The following RPRD1B variants were observed in gnomAD, a reference collection of about 807,000 sequenced individuals.
The protein encoded by RPRD1B is regulation of nuclear pre-mRNA domain-containing protein 1B.
Under a neutral mutation model 41.5 loss-of-function variants are expected in RPRD1B, and 11 were observed. The ratio of observed to expected loss-of-function variants is 0.27; its 90% CI spans 0.17 to 0.44. The LOEUF (loss-of-function observed/expected upper bound fraction) is 0.44, where lower values mean the gene tolerates loss of function less well. Among genes scored for constraint, RPRD1B ranks in the 20% least tolerant of loss-of-function variants. RPRD1B has a pLI of 1.00. For synonymous variants in RPRD1B, 158 were observed against 155.6 expected, an observed-to-expected ratio of 1.02 and a Z score of -0.12; for missense variants, 248 against 389.9, an observed-to-expected ratio of 0.64 and a Z score of 3.06.
At chr20:38,056,137 A>C (rs894746125) in intron 3 of RPRD1B, among the ~76,000 whole-genome samples, 1 of 152,198 alleles carries the variant, frequency 6.6e-6, no homozygotes, top group African/African-American at 2.4e-5. Flanking sequence ...CTGTAATCCC[A>C]GGACTTTGGG....
chr20:38,066,668 T>C (rs551171690), intron 6 of RPRD1B, among the ~76,000 whole-genome samples: 1 of 152,378 alleles, frequency 6.6e-6, no homozygotes, highest in East Asian at 1.9e-4. Context: ...ATTTCTTTTT[T>C]TTTTTGAGAC....
chr20:38,066,848 G>T (rs2074362747), intron 6 of RPRD1B, among the ~76,000 whole-genome samples: 1 of 151,940 alleles, frequency 6.6e-6, no homozygotes, highest in Non-Finnish European at 1.5e-5. Context: ...GTAGGGACGG[G>T]GTTTCACCAT....
intron 5 of RPRD1B, among the ~76,000 whole-genome samples, chr20:38,059,819 G>C (rs546876441): frequency 3.3e-5 from 5 of 152,108 alleles, no homozygotes; most frequent in African/African-American, 1.2e-4. Flanking sequence ...TGGGGTGGGT[G>C]GGGGAGATTA....
At chr20:38,040,098 A>G (rs2074050149) in intron 1 of RPRD1B, among the ~76,000 whole-genome samples, 1 of 152,340 alleles carries the variant, frequency 6.6e-6, no homozygotes, top group South Asian at 2.1e-4. Flanking sequence ...TCATTTTTGC[A>G]GTAGAATAAA....
chr20:38,089,761 C>T lies in RPRD1B; in HGVS notation c.867C>T (p.Val289=). Residue 289 remains valine, a synonymous_variant, in exon 7 of 7, where the codon GTC becomes GTT. Coordinates refer to ENST00000373433, the MANE Select transcript of RPRD1B (RefSeq NM_021215.4). ...AGAAGCTTGCACGAGTAACCCAGGT[C>T]CGCAAGGAACTGAAATCCCATATTC... ...YKQKLARVTQ[V]RKELKSHIQS... 2 of 1,614,162 alleles carry T rather than the reference C, an allele frequency of 1.2e-6. No homozygotes were observed. Among genetic ancestry groups the T allele is most frequent in the South Asian group, 1.1e-5 (1 of 91,086 alleles).
intron 1 of RPRD1B, 64 bp downstream of exon 1, chr20:38,034,162 A>T: frequency 6.5e-7 from 1 of 1,543,076 alleles, no homozygotes; most frequent in South Asian, 1.2e-5. Flanking sequence ...CATACAACCT[A>T]GGCCCCTCTA....
chr20:38,043,847 C>A (rs182905793), intron 2 of RPRD1B, among the ~76,000 whole-genome samples: 242 of 152,232 alleles, frequency 1.6e-3, no homozygotes, highest in African/African-American at 5.7e-3. Context: ...TGGAGGAAAT[C>A]ACGAGTTTTG....
At chr20:38,053,397 G>A (rs2074208288) in intron 3 of RPRD1B, among the ~76,000 whole-genome samples, 1 of 152,128 alleles carries the variant, frequency 6.6e-6, no homozygotes, top group Non-Finnish European at 1.5e-5. Flanking sequence ...CAAGCTCTGT[G>A]ACTCCTCCCT....
At position 38,054,164 on chromosome 20, in the gene RPRD1B, T is replaced by C. The variant is rs575735015; in HGVS notation, c.416-3368T>C. On this transcript the variant is annotated intron_variant, in intron 3 of 6. Transcript: ENST00000373433. ...TCTGCTAGAAACTGGGACCTTGGGA[T>C]AGATTCTAATGGTTTCCAAGGCCTT... is the stretch of plus-strand genomic sequence containing the variant. Among the ~76,000 whole-genome samples, 4 of 152,262 alleles carry C rather than the reference T, an allele frequency of 2.6e-5. No individual in the cohort carries two copies. The East Asian group carries it at 7.7e-4, about 29-fold the overall frequency.
intron 2 of RPRD1B, among the ~76,000 whole-genome samples, chr20:38,042,610 G>C (rs1568643664): frequency 6.6e-6 from 1 of 152,032 alleles, no homozygotes; most frequent in Non-Finnish European, 1.5e-5. Context: ...GATTCTGCTT[G>C]GGTATTACAT....
chr20:38,035,850 C>T (rs2069207697), intron 1 of RPRD1B, among the ~76,000 whole-genome samples: 1 of 151,694 alleles, frequency 6.6e-6, no homozygotes, highest in Non-Finnish European at 1.5e-5. Context: ...CTGCAAGCTC[C>T]ACCTCCCGGG....
chr20:38,088,189 T>C lies in RPRD1B; in HGVS notation c.832-1537T>C, dbSNP rs2122776575. ...AGAGGATATGCCTGGTTCCCTCCTCTCACTCCTTGCTTGGACTTTTGTCTT... is the reference window on the plus strand; with the variant it reads ...AGAGGATATGCCTGGTTCCCTCCTCCCACTCCTTGCTTGGACTTTTGTCTT... On this transcript the variant is annotated intron_variant, in intron 6 of 6. Transcript: ENST00000373433. Among the ~76,000 whole-genome samples, 2 of 152,330 alleles carry C rather than the reference T, an allele frequency of 1.3e-5. 1 individual carries two copies. Among genetic ancestry groups the C allele is most frequent in the Admixed American group, 1.3e-4 (2 of 15,300 alleles).
chr20:38,036,963 C>G (rs6013717), intron 1 of RPRD1B, among the ~76,000 whole-genome samples: 2,701 of 152,248 alleles, frequency 0.018, 74 homozygotes, highest in African/African-American at 0.059. Flanking sequence ...GCATCAATAC[C>G]TAGCTTCCGA....
intron 6 of RPRD1B, among the ~76,000 whole-genome samples, chr20:38,076,519 A>G (rs2074460810): frequency 6.6e-6 from 1 of 152,214 alleles, no homozygotes; most frequent in African/African-American, 2.4e-5. Context: ...TCACATGAGC[A>G]TACCCTCTGC....
rs1401884488 is a variant in RPRD1B, at chr20:38,066,126, G to T, written c.701G>T (p.Cys234Phe). The change falls in exon 6 of 7, where the codon TGT (cysteine) becomes TTT (phenylalanine). Residue 234 changes from cysteine (C) to phenylalanine (F), a missense_variant. Coordinates refer to ENST00000373433, the MANE Select transcript of RPRD1B (RefSeq NM_021215.4). ...ERLSKTVDEA[C>F]LLLAEYNGRL... is the part of the protein sequence containing the mutation. ...CTTTCAAAAACAGTAGATGAAGCAT[G>T]TCTGTTACTAGCAGAATATAACGGG... 6.2e-7 allele frequency: 1 copy of T among 1,614,212 alleles called. No individual in the cohort carries two copies. Among genetic ancestry groups the T allele is most frequent in the Non-Finnish European group, 8.5e-7 (1 of 1,180,028 alleles).
chr20:38,084,612 A>G (rs772192890), intron 6 of RPRD1B, among the ~76,000 whole-genome samples: 13 of 152,140 alleles, frequency 8.5e-5, no homozygotes, highest in Admixed American at 3.3e-4. Flanking sequence ...TTCTCTAACC[A>G]AAAAAGGCAA....
rs1374695788 is a variant in RPRD1B, at chr20:38,091,236, T to G, written c.*1361T>G. On this transcript the variant is annotated 3_prime_UTR_variant, in exon 7 of 7. Transcript: ENST00000373433. ...CCAAACTATATAAAAAGGAATTCAGTGGAGGGGGCTTTGTAATCTCCATTA... is the reference window on the plus strand; with the variant it reads ...CCAAACTATATAAAAAGGAATTCAGGGGAGGGGGCTTTGTAATCTCCATTA... 2.0e-6 allele frequency: 2 copies of G among 985,676 alleles called. No homozygotes were observed. Among genetic ancestry groups the G allele is most frequent in the Non-Finnish European group, 2.4e-6 (2 of 829,912 alleles). 61.1% of individuals were successfully genotyped at this position (985,676 alleles called of 1,614,324 possible). A position where few individuals can be genotyped will look rare whatever the true frequency, so the allele number is the denominator to read the frequency against.
intron 2 of RPRD1B, among the ~76,000 whole-genome samples, chr20:38,042,687 C>T (rs569966011): frequency 2.6e-4 from 39 of 152,338 alleles, no homozygotes; most frequent in African/African-American, 8.7e-4. Context: ...TCCAACAGTT[C>T]TGCTTCAACC....
Position 38,057,165 on chromosome 20 carries a change from G to A in RPRD1B, c.416-367G>A, listed in dbSNP as rs11907242. ...TGAAATGATCCCTGGAAAGCATAACGTATCTCATTTTATACACAATATCTT... is the reference window on the plus strand; with the variant it reads ...TGAAATGATCCCTGGAAAGCATAACATATCTCATTTTATACACAATATCTT... On this transcript the variant is annotated intron_variant, in intron 3 of 6. Transcript: ENST00000373433. Among the ~76,000 whole-genome samples the A allele has an allele frequency of 4.9e-3, 751 of 152,054 alleles. 4 individuals carry two copies. The highest frequency in any genetic ancestry group is 0.017 in the African/African-American group (700 of 41,528).
Sources: gnomAD v4.1 joint callset for allele counts (sites outside exome capture counted in the v4.1 genomes callset) on GRCh38, gnomAD v4.1.1 for gene constraint, MANE v1.5 for transcripts, NCBI Gene and HGNC (gene_info 2026-07-23, HGNC 2026-07-21) for gene names.